The following XKR7 variants were observed in gnomAD, a reference collection of about 807,000 sequenced individuals.
XKR7 encodes XK related 7.
XKR7 carries 11 observed loss-of-function variants against 42.2 expected under a neutral mutation model. The ratio of observed to expected loss-of-function variants is 0.26; its 90% CI spans 0.16 to 0.43. The LOEUF (loss-of-function observed/expected upper bound fraction) is 0.43. XKR7 is among the 20% of genes least tolerant of loss of function. The pLI, the probability that XKR7 is intolerant of heterozygous loss-of-function variation, is 1.00. For synonymous variants in XKR7, 346 were observed against 366.4 expected (o/e 0.94, Z 0.64); for missense variants, 710 against 802.2 (o/e 0.89, Z 1.39).
chr20:31,986,801 CAG>C (rs2064543444), intron 1 of XKR7, among the ~76,000 whole-genome samples: 1 of 141,810 alleles, frequency 7.1e-6, no homozygotes, highest in Non-Finnish European at 1.6e-5. Flanking sequence ...GACAGACAGA[CAG>C]AGAGACAACC....
intron 1 of XKR7, among the ~76,000 whole-genome samples, chr20:31,982,994 G>T (rs2064520578): frequency 6.6e-6 from 1 of 152,224 alleles, no homozygotes; most frequent in Non-Finnish European, 1.5e-5. Flanking sequence ...TGGGTCCAGA[G>T]ACGGGAGGCA....
intron 1 of XKR7, among the ~76,000 whole-genome samples, chr20:31,990,324 C>G (rs1397100262): frequency 6.6e-6 from 1 of 152,056 alleles, no homozygotes; most frequent in Admixed American, 6.6e-5. Flanking sequence ...AGCCACTGCA[C>G]CCTGCCCCAT....
intron 1 of XKR7, among the ~76,000 whole-genome samples, chr20:31,971,505 G>A (rs914891168): frequency 6.6e-6 from 1 of 152,220 alleles, no homozygotes; most frequent in African/African-American, 2.4e-5. Flanking sequence ...TAGAGAAGCT[G>A]CAGGGGCTGG....
Position 31,995,191 on chromosome 20 carries a change from C to T in XKR7, c.708C>T (p.Thr236=). 2 of 1,548,522 alleles carry T rather than the reference C, an allele frequency of 1.3e-6. No individual in the cohort carries two copies. The highest frequency in any genetic ancestry group is 1.7e-6 in the Non-Finnish European group (2 of 1,146,664). The change falls in exon 2 of 3, where the codon ACC becomes ACT. Residue 236 remains threonine (T), a synonymous_variant. Transcript: ENST00000562532. This position sits in a 1 kb window ranked among gnomAD's most constrained non-coding sequence, Gnocchi z 4.1. ...ADVSMLRLLE[T]FLRSAPQLVL... is the part of the protein sequence containing the mutation. The stretch of plus-strand genomic sequence containing the variant: ...TGAGCATGCTGCGCTTGCTGGAGAC[C>T]TTCCTGCGCAGCGCGCCGCAGCTAG...
At chr20:31,978,722 T>C (rs1017144013) in intron 1 of XKR7, among the ~76,000 whole-genome samples, 3 of 152,244 alleles carry the variant, frequency 2.0e-5, no homozygotes, top group Non-Finnish European at 2.9e-5. Flanking sequence ...TAATCATACA[T>C]GGCAAGCATT....
At chr20:31,983,015 G>A (rs1411388529) in intron 1 of XKR7, among the ~76,000 whole-genome samples, 1 of 152,208 alleles carries the variant, frequency 6.6e-6, no homozygotes, top group Non-Finnish European at 1.5e-5. Flanking sequence ...ACTTGTCTGG[G>A]GCTACATAGT....
At chr20:31,979,190 G>C (rs1376804296) in intron 1 of XKR7, among the ~76,000 whole-genome samples, 2 of 151,474 alleles carry the variant, frequency 1.3e-5, no homozygotes, top group African/African-American at 4.8e-5. Context: ...CTACAAAATG[G>C]AATTATGATT....
rs758142231 is a variant in XKR7 at position 31,968,577 on chromosome 20, C to A, written c.402C>A (p.Ala134=). ...CCGTCAGCACCAAGGACAGCGTAGC[C>A]GGCGGAGCCGCCATCAGCACCAAGG... ...GPAVSTKDSV[A]GGAAISTKDS... Residue 134 remains alanine, a synonymous_variant, in exon 1 of 3, where the codon GCC becomes GCA. Transcript: ENST00000562532. The surrounding 1 kb of genome is among the most constrained non-coding windows in gnomAD (Gnocchi z 4.5). 5 of 1,609,386 alleles carry A rather than the reference C, an allele frequency of 3.1e-6. No individual in the cohort carries two copies. Among genetic ancestry groups the A allele is most frequent in the Middle Eastern group, 1.7e-4 (1 of 6,054 alleles).
intron 1 of XKR7, among the ~76,000 whole-genome samples, chr20:31,989,278 C>T (rs1055195823): frequency 2.5e-5 from 3 of 117,942 alleles, no homozygotes; most frequent in Non-Finnish European, 5.6e-5. Context: ...TTAGGACACC[C>T]CCCCCCCAGC....
In XKR7 at chr20:31,995,254, G is replaced by A. The variant is rs2064586161; in HGVS notation, c.771G>A (p.Ala257=). The change falls in exon 2 of 3, where the codon GCG becomes GCA. Residue 257 remains alanine, a synonymous_variant. Coordinates refer to ENST00000562532, the MANE Select transcript of XKR7 (RefSeq NM_001011718.2). This position sits in a 1 kb window ranked among gnomAD's most constrained non-coding sequence, Gnocchi z 4.1. ...GCCTGCTGGTGCACCGCGGTGGCGC[G>A]CCCGACCTGCTGCCGGGTGAGCCCG... The part of the protein sequence containing the change: ...QLSLLVHRGG[A]PDLLPALSTS... 6.5e-7 allele frequency: 1 copy of A among 1,537,372 alleles called. No individual in the cohort carries two copies. The highest frequency in any genetic ancestry group is 2.4e-5 in the East Asian group (1 of 40,832).
Position 31,968,652 on chromosome 20 carries a change from C to T in XKR7, c.477C>T (p.Pro159=). The T allele has an allele frequency of 6.3e-7, 1 of 1,579,494 alleles. No homozygotes were observed. The highest frequency in any genetic ancestry group is 8.5e-7 in the Non-Finnish European group (1 of 1,169,982). The change falls in exon 1 of 3, where the codon CCC becomes CCT. Residue 159 remains proline, a synonymous_variant. Transcript: ENST00000562532. The surrounding 1 kb of genome is among the most constrained non-coding windows in gnomAD (Gnocchi z 4.5). ...AAGAAGGCAGCCCCGAGCCGGGTCC[C>T]CAGCCTGCGCCCTCCTCGGCCAGCG... ...RTKEGSPEPG[P]QPAPSSASAY...
chr20:31,981,720 G>GA (rs1437984844), intron 1 of XKR7, among the ~76,000 whole-genome samples: 1 of 152,072 alleles, frequency 6.6e-6, no homozygotes, highest in African/African-American at 2.4e-5. Context: ...AACAAACAAA[G>GA]AAAAAACAAA....
chr20:31,989,916 G>A (rs2064561977), intron 1 of XKR7, among the ~76,000 whole-genome samples: 1 of 152,112 alleles, frequency 6.6e-6, no homozygotes, highest in Admixed American at 6.5e-5. Context: ...CCTGGCCTGG[G>A]GATAATTTTG....
At position 31,995,161 on chromosome 20, in the gene XKR7, C is replaced by G; in HGVS notation, c.678C>G (p.Ala226=). The G allele has an allele frequency of 6.4e-7, 1 of 1,553,958 alleles. No homozygotes were observed. The highest frequency in any genetic ancestry group is 1.2e-5 in the South Asian group (1 of 84,426). The part of the protein sequence containing the change: ...HFYWQMLFES[A]DVSMLRLLET... ...ACTGGCAGATGCTGTTCGAGAGCGCCGACGTGAGCATGCTGCGCTTGCTGG... is the reference window on the plus strand; with the variant it reads ...ACTGGCAGATGCTGTTCGAGAGCGCGGACGTGAGCATGCTGCGCTTGCTGG... Residue 226 remains alanine, a synonymous_variant, in exon 2 of 3, where the codon GCC becomes GCG. Transcript: ENST00000562532. The surrounding 1 kb of genome is among the most constrained non-coding windows in gnomAD (Gnocchi z 4.1).
intron 1 of XKR7, among the ~76,000 whole-genome samples, chr20:31,991,308 G>A (rs2064569905): frequency 6.6e-6 from 1 of 152,220 alleles, no homozygotes; most frequent in African/African-American, 2.4e-5. Context: ...GCCATGGGAA[G>A]GGGAAGGGAA....
chr20:31,990,181 T>C (rs1273961912), intron 1 of XKR7, among the ~76,000 whole-genome samples: 1 of 89,416 alleles, frequency 1.1e-5, no homozygotes. Context: ...ATTCATTGCG[T>C]GTGTGTGTGT....
At chr20:31,973,504 A>C (rs2064473198) in intron 1 of XKR7, among the ~76,000 whole-genome samples, 1 of 152,134 alleles carries the variant, frequency 6.6e-6, no homozygotes, top group African/African-American at 2.4e-5. Context: ...TGGGGAAAAA[A>C]ATGAAACAGG....
At chr20:31,989,282 C>CA (rs1027874163) in intron 1 of XKR7, among the ~76,000 whole-genome samples, 9 of 120,012 alleles carry the variant, frequency 7.5e-5, no homozygotes, top group African/African-American at 2.3e-4. Flanking sequence ...GACACCCCCC[C>CA]CCCAGCGCAT....
In XKR7 at chr20:31,996,960, C is replaced by A; in HGVS notation, c.1243C>A (p.Leu415Ile). 6.2e-7 allele frequency: 1 copy of A among 1,614,174 alleles called. No individual in the cohort carries two copies. The highest frequency in any genetic ancestry group is 1.1e-5 in the South Asian group (1 of 91,090). Residue 415 changes from leucine (L) to isoleucine (I), a missense_variant, in exon 3 of 3, where the codon CTC becomes ATC. By Grantham distance (5) the Leu-to-Ile change is conservative (BLOSUM62 2). This residue lies in a region of XKR7 where 708 missense variants were observed against 786.2 expected (regional missense o/e 0.90). Coordinates refer to ENST00000562532, the MANE Select transcript of XKR7 (RefSeq NM_001011718.2). ...SRNFSTDFYS[L>I]IMVCVVASSF... Reference sequence around the variant, plus strand: ...CAACTTCTCAACCGACTTCTACTCGCTCATCATGGTCTGCGTAGTGGCCTC... The same window carrying A: ...CAACTTCTCAACCGACTTCTACTCGATCATCATGGTCTGCGTAGTGGCCTC...
Sources: gnomAD v4.1 joint callset for allele counts (sites outside exome capture counted in the v4.1 genomes callset) on GRCh38, gnomAD v4.1.1 for gene constraint, gnomAD v4.1.1 regional missense constraint, Gnocchi (gnomAD v3.1) non-coding constraint, MANE v1.5 for transcripts, NCBI Gene and HGNC (gene_info 2026-07-23, HGNC 2026-07-21) for gene names.